TEKT1: variants seen among roughly 807,000 people sequenced by gnomAD.
TEKT1 encodes the protein tektin 1, also known as tektin-1.
TEKT1 carries 32 observed loss-of-function variants against 34.8 expected under a neutral mutation model. The ratio of observed to expected loss-of-function variants is 0.92; its 90% CI spans 0.69 to 1.23. TEKT1 has a LOEUF of 1.23. Among genes scored for constraint, TEKT1 ranks in the 50% most tolerant of loss-of-function variants. The probability of loss-of-function intolerance (pLI) is 0.00; values close to 1 mark genes in which losing one functional copy is unlikely to be tolerated. For synonymous variants in TEKT1, 207 were observed against 199.8 expected, an observed-to-expected ratio of 1.04 and a Z score of -0.30; for missense variants, 492 against 518.5, an observed-to-expected ratio of 0.95 and a Z score of 0.50.
chr17:6,800,278 C>A, intron 7 of TEKT1, 44 bp from the exon 8 acceptor site: 1 of 1,569,016 alleles, frequency 6.4e-7, no homozygotes, highest in South Asian at 1.2e-5. Context: ...TCTCTCTATG[C>A]ATTGCTTTTT....
Position 6,800,192 on chromosome 17 carries a change from C to A in TEKT1, c.1092G>T (p.Gly364=). 1.2e-6 allele frequency: 2 copies of A among 1,614,166 alleles called. No individual in the cohort carries two copies. The highest frequency in any genetic ancestry group is 1.7e-6 in the Non-Finnish European group (2 of 1,180,030). ...GCAGGGCAAGCTGTCTGCGATGCAGCCCTTTCAGCTCTGCCTGAGCTTGGG... is the reference window on the plus strand; with the variant it reads ...GCAGGGCAAGCTGTCTGCGATGCAGACCTTTCAGCTCTGCCTGAGCTTGGG... ...TLAQAQAELK[G]LHRRQLALQE... is the part of the protein sequence containing the mutation. The change falls in exon 8 of 8, where the codon GGG becomes GGT. Residue 364 remains glycine (G), a synonymous_variant. Coordinates refer to ENST00000338694, the MANE Select transcript of TEKT1 (RefSeq NM_053285.2).
rs1336592234 is a variant in TEKT1, at chr17:6,830,319, T to C, written c.58A>G (p.Asn20Asp). ...KFLPSEWHIANKNQYHRADAQ... is the reference protein window; with the variant it reads ...KFLPSEWHIADKNQYHRADAQ... ...TCTGCTCTGTGGTACTGGTTCTTGTTAGCAATGTGCCACTCTGAGGGCAGG... is the reference window on the plus strand; with the variant it reads ...TCTGCTCTGTGGTACTGGTTCTTGTCAGCAATGTGCCACTCTGAGGGCAGG... The change falls in exon 2 of 8, where the codon AAC becomes GAC. Residue 20 changes from asparagine to aspartate, a missense_variant. Coordinates refer to ENST00000338694, the MANE Select transcript of TEKT1 (RefSeq NM_053285.2). 6.2e-7 allele frequency: 1 copy of C among 1,611,030 alleles called. No homozygotes were observed. Among genetic ancestry groups the C allele is most frequent in the South Asian group, 1.1e-5 (1 of 90,120 alleles).
At position 6,815,155 on chromosome 17, in the gene TEKT1, C is replaced by T. The variant is rs770454681; in HGVS notation, c.629+8G>A. 4 of 1,606,672 alleles carry T rather than the reference C, an allele frequency of 2.5e-6. No homozygotes were observed. Among genetic ancestry groups the T allele is most frequent in the Middle Eastern group, 1.7e-4 (1 of 6,028 alleles). On this transcript the variant is annotated splice_region_variant and intron_variant, in intron 5 of 7. Transcript: ENST00000338694. Reference sequence around the variant, plus strand: ...CCCGCGAGGAGGAAGACGGCAAGGCCCACTCACTTTGGCTCAATCCTCACG... The same window carrying T: ...CCCGCGAGGAGGAAGACGGCAAGGCTCACTCACTTTGGCTCAATCCTCACG...
At chr17:6,820,589 T>TCTCAATA (rs1399763574) in intron 2 of TEKT1, among the ~76,000 whole-genome samples, 1 of 152,180 alleles carries the variant, frequency 6.6e-6, no homozygotes, top group Non-Finnish European at 1.5e-5. Flanking sequence ...ATTAATTTTT[T>TCTCAATA]CTCAATATGC....
At chr17:6,820,759 TCTC>T (rs1977075544) in intron 2 of TEKT1, among the ~76,000 whole-genome samples, 1 of 152,152 alleles carries the variant, frequency 6.6e-6, no homozygotes, top group Admixed American at 6.6e-5. Context: ...CCTTCACTCT[TCTC>T]CTGTTGCTGT....
intron 3 of TEKT1, among the ~76,000 whole-genome samples, chr17:6,818,664 C>T (rs1201668862): frequency 6.6e-6 from 1 of 152,172 alleles, no homozygotes; most frequent in Non-Finnish European, 1.5e-5. Context: ...TGATTAAGTT[C>T]TGTCAATAGG....
At chr17:6,824,623 A>G (rs1660326273) in intron 2 of TEKT1, among the ~76,000 whole-genome samples, 1 of 152,194 alleles carries the variant, frequency 6.6e-6, no homozygotes, top group South Asian at 2.1e-4. Flanking sequence ...AGCAACTTAC[A>G]ATAATTTTAG....
intron 2 of TEKT1, among the ~76,000 whole-genome samples, chr17:6,820,490 AAT>A (rs1977072257): frequency 6.6e-6 from 1 of 152,136 alleles, no homozygotes; most frequent in Non-Finnish European, 1.5e-5. Flanking sequence ...TTTAAAAAAA[AAT>A]GTTATTGTAT....
chr17:6,823,120 A>G (rs1977115962), intron 2 of TEKT1, among the ~76,000 whole-genome samples: 1 of 152,236 alleles, frequency 6.6e-6, no homozygotes, highest in African/African-American at 2.4e-5. Flanking sequence ...CCAAGTAGAC[A>G]TTCATTGAAC....
In TEKT1 at chr17:6,799,097, CCTTT is replaced by C. The variant is rs1295224161; in HGVS notation, c.*926_*929del. On this transcript the variant is annotated 3_prime_UTR_variant, in exon 8 of 8. Transcript: ENST00000338694. ...AGCAGTTTCCCACAGCAAATGTCTT[CCTTT>C]GACAGTCACCCACATAGATCTCTGA... is the stretch of plus-strand genomic sequence containing the variant. The C allele has an allele frequency of 6.6e-6, 1 of 152,212 alleles. No homozygotes were observed. Among genetic ancestry groups the C allele is most frequent in the Non-Finnish European group, 1.5e-5 (1 of 68,038 alleles). 9.4% of individuals were successfully genotyped at this position (152,212 alleles called of 1,614,324 possible). A position where few individuals can be genotyped will look rare whatever the true frequency, so the allele number is the denominator to read the frequency against.
intron 5 of TEKT1, 49 bp downstream of exon 5, chr17:6,815,113 TG>T (rs779225007): frequency 1.8e-5 from 28 of 1,566,474 alleles, no homozygotes; most frequent in Non-Finnish European, 2.2e-5. Context: ...CTTGCCTATC[TG>T]AGAAGCACTG....
chr17:6,817,427 A>G (rs117094755), intron 3 of TEKT1, among the ~76,000 whole-genome samples: 3 of 152,102 alleles, frequency 2.0e-5, no homozygotes, highest in African/African-American at 7.2e-5. Context: ...AATAATAATA[A>G]CACCAATAGT....
rs5819128 is a variant in TEKT1, at chr17:6,814,847, A to AG, written c.629+315dup. 891 of 211,276 alleles carry AG rather than the reference A, an allele frequency of 4.2e-3. 3 individuals carry two copies. Among genetic ancestry groups the AG allele is most frequent in the Middle Eastern group, 5.8e-3 (3 of 514 alleles). The allele number at this position is 211,276 out of a possible 1,614,324, so 13.1% of individuals were successfully genotyped here. On this transcript the variant is annotated intron_variant, in intron 5 of 7. Transcript: ENST00000338694. ...AGCAAGACTCTGTCTCAAAAAAAAAAGGGGGGGGGAAATTCACTTGCTCTT... is the reference window on the plus strand; with the variant it reads ...AGCAAGACTCTGTCTCAAAAAAAAAAGGGGGGGGGGAAATTCACTTGCTCTT...
chr17:6,829,834 AT>A (rs1357308065), intron 2 of TEKT1, among the ~76,000 whole-genome samples: 1 of 152,066 alleles, frequency 6.6e-6, no homozygotes, highest in African/African-American at 2.4e-5. Flanking sequence ...GGCTGACTGT[AT>A]TCTGATGATT....
At chr17:6,824,114 G>A (rs911283705) in intron 2 of TEKT1, among the ~76,000 whole-genome samples, 9 of 152,018 alleles carry the variant, frequency 5.9e-5, no homozygotes, top group South Asian at 2.1e-4. Context: ...GAGCCACTGC[G>A]CCCAGCCAAA....
chr17:6,825,767 T>C (rs968932526), intron 2 of TEKT1, among the ~76,000 whole-genome samples: 5 of 152,218 alleles, frequency 3.3e-5, no homozygotes, highest in Admixed American at 3.3e-4. Flanking sequence ...CTTACTAAGT[T>C]TGTAAGATTC....
In TEKT1 at chr17:6,815,300, G is replaced by A. The variant is rs775939256; in HGVS notation, c.492C>T (p.Asn164=). The A allele has an allele frequency of 4.3e-6, 7 of 1,614,230 alleles. No homozygotes were observed. The South Asian group carries it at 7.7e-5, about 18-fold the overall frequency. Residue 164 remains asparagine, a synonymous_variant, in exon 5 of 8, where the codon AAC becomes AAT. Coordinates refer to ENST00000338694, the MANE Select transcript of TEKT1 (RefSeq NM_053285.2). ...LEEASEQIRM[N]RSAKYNLEKD... ...TCTCAAGATTGTACTTGGCAGAGCG[G>A]TTCATCCTGAAGGGAGAAAGTAAAC...
At chr17:6,802,427 C>CT (rs563081279) in intron 6 of TEKT1, among the ~76,000 whole-genome samples, 132 of 145,226 alleles carry the variant, frequency 9.1e-4, no homozygotes, top group East Asian at 2.8e-3. Flanking sequence ...TTTGAATTAT[C>CT]TTTTTTTTTT....
At position 6,799,965 on chromosome 17, in the gene TEKT1, T is replaced by C. The variant is rs886302998; in HGVS notation, c.*62A>G. On this transcript the variant is annotated 3_prime_UTR_variant, in exon 8 of 8. Coordinates refer to ENST00000338694, the MANE Select transcript of TEKT1 (RefSeq NM_053285.2). ...GGCCCCGCCAGCCTGAAATGAGAGC[T>C]CTGTACTACTGTAACTACTGTTTAC... The C allele has an allele frequency of 5.4e-6, 8 of 1,490,964 alleles. No homozygotes were observed. In the African/African-American group the frequency reaches 1.1e-4, roughly 21 times the overall value. 92.4% of individuals were successfully genotyped at this position (1,490,964 alleles called of 1,614,324 possible).
Sources: gnomAD v4.1 joint callset for allele counts (sites outside exome capture counted in the v4.1 genomes callset) on GRCh38, gnomAD v4.1.1 for gene constraint, MANE v1.5 for transcripts, NCBI Gene and HGNC (gene_info 2026-07-23, HGNC 2026-07-21) for gene names.